The following TTPAL variants were observed in gnomAD, a reference collection of about 807,000 sequenced individuals.
TTPAL encodes the protein alpha-tocopherol transfer protein-like.
TTPAL carries 21 observed loss-of-function variants against 28.7 expected under a neutral mutation model. The ratio of observed to expected loss-of-function variants is 0.73; its 90% confidence interval spans 0.52 to 1.06. The LOEUF is 1.06. TTPAL is among the 50% of genes least tolerant of loss of function. The pLI is 0.00. For missense variants in TTPAL, 345 were observed against 425.5 expected (o/e 0.81, Z 1.67); for synonymous variants, 169 against 171.9 (o/e 0.98, Z 0.13).
intron 3 of TTPAL, among the ~76,000 whole-genome samples, chr20:44,485,027 C>T (rs1168821236): frequency 6.6e-6 from 1 of 152,144 alleles, no homozygotes; most frequent in East Asian, 1.9e-4. Context: ...GCAGGAGAAT[C>T]ATTTGAACCC....
At position 44,492,168 on chromosome 20, in the gene TTPAL, G is replaced by A. The variant is rs6073456; in HGVS notation, c.*2627G>A. Reference sequence around the variant, plus strand: ...CAAGACCTCCCTGCGTGAAAATCAAGGTGGTCTCCTTGTGGCTTCACCAGG... The same window carrying A: ...CAAGACCTCCCTGCGTGAAAATCAAAGTGGTCTCCTTGTGGCTTCACCAGG... On this transcript the variant is annotated 3_prime_UTR_variant, in exon 5 of 5. Transcript: ENST00000262605. The A allele has an allele frequency of 6.6e-6, 1 of 152,340 alleles. No individual in the cohort carries two copies. The highest frequency in any genetic ancestry group is 2.4e-5 in the African/African-American group (1 of 41,452). 9.4% of individuals were successfully genotyped at this position (152,340 alleles called of 1,614,324 possible). A position where few individuals can be genotyped will look rare whatever the true frequency, so the allele number is the denominator to read the frequency against.
At chr20:44,482,860 A>G (rs932115889) in intron 2 of TTPAL, among the ~76,000 whole-genome samples, 1 of 151,758 alleles carries the variant, frequency 6.6e-6, no homozygotes, top group South Asian at 2.1e-4. Context: ...ATGAGTCAAG[A>G]CTCAGCTTTT....
intron 1 of TTPAL, among the ~76,000 whole-genome samples, chr20:44,476,443 G>T (rs1045490770): frequency 3.9e-5 from 6 of 152,206 alleles, no homozygotes; most frequent in African/African-American, 1.4e-4. Flanking sequence ...CCAGGGTGGG[G>T]CTAGACGCAT....
Position 44,480,496 on chromosome 20 carries a change from G to T in TTPAL, c.445+52G>T. On this transcript the variant is annotated intron_variant, in intron 2 of 4. Coordinates refer to ENST00000262605, the MANE Select transcript of TTPAL (RefSeq NM_001039199.3). This position sits in a 1 kb window ranked among gnomAD's most constrained non-coding sequence, Gnocchi z 4.1. ...TGTGTGTCCAGTCCTTCTGCAGTGTGTCCATTCAGCACCCTGTCCTCCTTT... is the reference window on the plus strand; with the variant it reads ...TGTGTGTCCAGTCCTTCTGCAGTGTTTCCATTCAGCACCCTGTCCTCCTTT... 1 of 1,497,572 alleles carries T rather than the reference G, an allele frequency of 6.7e-7. No homozygotes were observed. The highest frequency in any genetic ancestry group is 9.0e-7 in the Non-Finnish European group (1 of 1,114,832). 92.8% of individuals were successfully genotyped at this position (1,497,572 alleles called of 1,614,324 possible). A position where few individuals can be genotyped will look rare whatever the true frequency, so the allele number is the denominator to read the frequency against.
rs1253794167 is a variant in TTPAL, at chr20:44,494,467, G to A, written c.*4926G>A. ...GGCTTTGAGTATAGGGATACATGGT[G>A]GATTCATGTACTTCAGTGTTTGTTT... is the stretch of plus-strand genomic sequence containing the variant. On this transcript the variant is annotated 3_prime_UTR_variant, in exon 5 of 5. Coordinates refer to ENST00000262605, the MANE Select transcript of TTPAL (RefSeq NM_001039199.3). 6.6e-6 allele frequency: 1 copy of A among 152,658 alleles called. No individual in the cohort carries two copies. The highest frequency in any genetic ancestry group is 1.5e-5 in the Non-Finnish European group (1 of 68,024). 9.5% of individuals were successfully genotyped at this position (152,658 alleles called of 1,614,324 possible).
chr20:44,487,838 A>G (rs1370924101), intron 4 of TTPAL, among the ~76,000 whole-genome samples: 1 of 152,164 alleles, frequency 6.6e-6, no homozygotes, highest in Non-Finnish European at 1.5e-5. Flanking sequence ...GTGCGATCTC[A>G]GCTCACTGCA....
In TTPAL at chr20:44,480,907, G is replaced by A. The variant is rs73279661; in HGVS notation, c.445+463G>A. On this transcript the variant is annotated intron_variant, in intron 2 of 4. Coordinates refer to ENST00000262605, the MANE Select transcript of TTPAL (RefSeq NM_001039199.3). The surrounding 1 kb of genome is among the most constrained non-coding windows in gnomAD (Gnocchi z 4.1). ...CCACCAAATTAAGTTCCTCAATGCA[G>A]ATTCCCAATTTCTAGTGGGGAGCAT... Among the ~76,000 whole-genome samples the A allele has an allele frequency of 0.071, 10,823 of 152,230 alleles. 416 individuals are homozygous for A. The highest frequency in any genetic ancestry group is 0.14 in the South Asian group (695 of 4,828).
intron 1 of TTPAL, among the ~76,000 whole-genome samples, chr20:44,479,611 G>A (rs947844905): frequency 6.6e-6 from 1 of 151,890 alleles, no homozygotes; most frequent in Non-Finnish European, 1.5e-5. Context: ...AGCCAGGCTG[G>A]TCAGGTGATC....
intron 4 of TTPAL, among the ~76,000 whole-genome samples, chr20:44,488,098 G>A (rs994817251): frequency 7.2e-5 from 11 of 152,070 alleles, no homozygotes; most frequent in Non-Finnish European, 1.5e-4. Flanking sequence ...ATATATAGAT[G>A]GAAAATCTCA....
At chr20:44,482,653 G>A (rs1331918310) in intron 2 of TTPAL, among the ~76,000 whole-genome samples, 5 of 150,988 alleles carry the variant, frequency 3.3e-5, no homozygotes, top group African/African-American at 1.2e-4. Flanking sequence ...TTTTAAGAAA[G>A]AGGCACATAG....
intron 4 of TTPAL, 67 bp from the exon 5 acceptor site, chr20:44,489,196 A>G (rs1399776284): frequency 2.6e-6 from 4 of 1,517,818 alleles, no homozygotes; most frequent in African/African-American, 2.8e-5. Context: ...AGCACCTACC[A>G]TGGAGGAGAT....
intron 1 of TTPAL, among the ~76,000 whole-genome samples, chr20:44,479,409 T>TTTTC: frequency 1.2e-5 from 1 of 86,276 alleles, no homozygotes; most frequent in East Asian, 6.2e-4. Flanking sequence ...GTTTTTTTTT[T>TTTTC]TTTTTTTTTT....
At chr20:44,487,692 T>C (rs988172426) in intron 4 of TTPAL, among the ~76,000 whole-genome samples, 2 of 152,204 alleles carry the variant, frequency 1.3e-5, no homozygotes, top group African/African-American at 4.8e-5. Context: ...GTCCCACTGA[T>C]TGAAATGGGA....
At position 44,480,135 on chromosome 20, in the gene TTPAL, G is replaced by T; in HGVS notation, c.136G>T (p.Glu46Ter). 2 of 1,614,202 alleles carry T rather than the reference G, an allele frequency of 1.2e-6. No individual in the cohort carries two copies. The highest frequency in any genetic ancestry group is 1.7e-6 in the Non-Finnish European group (2 of 1,180,030). The change falls in exon 2 of 5, where the codon GAG (glutamate) becomes TAG (stop). Residue 46 changes from glutamate (E) to a stop codon, truncating the protein, a stop_gained. Transcript: ENST00000262605. LOFTEE classifies it high-confidence loss of function. The surrounding 1 kb of genome is among the most constrained non-coding windows in gnomAD (Gnocchi z 4.1). ...TEDLVTKARE[E>*]LQEKPEWRLR... is the part of the protein sequence containing the mutation. ...AGACCTGGTCACCAAAGCCCGGGAA[G>T]AGCTGCAGGAAAAGCCGGAATGGAG...
In TTPAL at chr20:44,480,342, A is replaced by G. The variant is rs2064091938; in HGVS notation, c.343A>G (p.Asn115Asp). Residue 115 changes from asparagine (N) to aspartate (D), a missense_variant, in exon 2 of 5, where the codon AAC becomes GAC. Asn to Asp is a conservative substitution (Grantham distance 23). Coordinates refer to ENST00000262605, the MANE Select transcript of TTPAL (RefSeq NM_001039199.3). This position sits in a 1 kb window ranked among gnomAD's most constrained non-coding sequence, Gnocchi z 4.1. Reference sequence around the variant, plus strand: ...AAGAAGCTGGCCCGAAGTCTTCAATAACTTGAAGCCATCAGCCTTAAAAGA... The same window carrying G: ...AAGAAGCTGGCCCGAAGTCTTCAATGACTTGAAGCCATCAGCCTTAAAAGA... ...CRRSWPEVFN[N>D]LKPSALKDVL... 1 of 1,614,048 alleles carries G rather than the reference A, an allele frequency of 6.2e-7. No homozygotes were observed. Among genetic ancestry groups the G allele is most frequent in the South Asian group, 1.1e-5 (1 of 91,086 alleles).
At chr20:44,486,301 C>A in intron 3 of TTPAL, 1 of 193,162 alleles carries the variant, frequency 5.2e-6, no homozygotes, top group South Asian at 1.4e-4. Context: ...AGGCTGGTCT[C>A]GAACTCCTGA....
chr20:44,479,462 C>G (rs6031618), intron 1 of TTPAL, among the ~76,000 whole-genome samples: 24,042 of 143,584 alleles, frequency 0.17, 2,600 homozygotes, highest in African/African-American at 0.31. Flanking sequence ...GCAGCAGCGC[C>G]ATCTCGGCTC....
Position 44,480,390 on chromosome 20 carries a change from A to G in TTPAL, c.391A>G (p.Thr131Ala). ...AGATGTCCTTGCTTCCGGGTTCCTC[A>G]CCGTGCTGCCCCACACTGACCCCAG... ...LKDVLASGFL[T>A]VLPHTDPRGC... The change falls in exon 2 of 5, where the codon ACC becomes GCC. Residue 131 changes from threonine (T) to alanine (A), a missense_variant. Coordinates refer to ENST00000262605, the MANE Select transcript of TTPAL (RefSeq NM_001039199.3). The surrounding 1 kb of genome is among the most constrained non-coding windows in gnomAD (Gnocchi z 4.1). 6.2e-7 allele frequency: 1 copy of G among 1,613,792 alleles called. No homozygotes were observed. The highest frequency in any genetic ancestry group is 1.3e-5 in the African/African-American group (1 of 75,016).
Position 44,489,554 on chromosome 20 carries a change from G to T in TTPAL, c.*13G>T. 6.2e-7 allele frequency: 1 copy of T among 1,606,372 alleles called. No individual in the cohort carries two copies. The highest frequency in any genetic ancestry group is 2.2e-5 in the East Asian group (1 of 44,734). ...CTCCTGCTACTAGCCCGTCCCCCAG[G>T]GTCACCATCTTTAATTCTTTTCCTT... On this transcript the variant is annotated 3_prime_UTR_variant, in exon 5 of 5. Coordinates refer to ENST00000262605, the MANE Select transcript of TTPAL (RefSeq NM_001039199.3).
Sources: allele counts gnomAD v4.1 joint callset (sites outside exome capture counted in the v4.1 genomes callset), GRCh38; gene constraint gnomAD v4.1.1; non-coding constraint Gnocchi (gnomAD v3.1); transcripts MANE v1.5; gene names NCBI Gene and HGNC (gene_info 2026-07-23, HGNC 2026-07-21).